Variants in PIP4K2B observed in about 807,000 individuals in gnomAD.
The protein encoded by PIP4K2B is phosphatidylinositol 5-phosphate 4-kinase type-2 beta.
Under a neutral mutation model 42.0 loss-of-function variants are expected in PIP4K2B, and 3 were observed. The observed-to-expected ratio is 0.07, with a 90% CI of 0.03 to 0.18. The LOEUF (loss-of-function observed/expected upper bound fraction) is 0.18. Among genes scored for constraint, PIP4K2B ranks in the 10% least tolerant of loss-of-function variants. PIP4K2B has a pLI of 1.00. For synonymous variants in PIP4K2B, 204 were observed against 210.1 expected, an observed-to-expected ratio of 0.97 and a Z score of 0.25; for missense variants, 332 against 562.3, an observed-to-expected ratio of 0.59 and a Z score of 4.14.
chr17:38,776,662 AC>A (rs1567654794), intron 7 of PIP4K2B: 1 of 437,584 alleles, frequency 2.3e-6, no homozygotes, highest in South Asian at 1.6e-5. Flanking sequence ...AACAAAAAAA[AC>A]ACCTATTATT....
chr17:38,780,691 T>C, intron 3 of PIP4K2B, 87 bp from the exon 4 acceptor site: 2 of 1,359,914 alleles, frequency 1.5e-6, no homozygotes, highest in South Asian at 1.3e-5. Context: ...GCTGGACTGC[T>C]TGAAAGCCAA....
chr17:38,774,662 C>G (rs1185389721), intron 7 of PIP4K2B, among the ~76,000 whole-genome samples: 1 of 151,624 alleles, frequency 6.6e-6, no homozygotes. Context: ...CCCAGCTACT[C>G]GGGAGGCTGA....
chr17:38,780,771 C>T (rs1049405555), intron 3 of PIP4K2B, among the ~76,000 whole-genome samples, 167 bp from the exon 4 acceptor site: 3 of 152,176 alleles, frequency 2.0e-5, no homozygotes, highest in African/African-American at 7.2e-5. Context: ...GTTCACATCC[C>T]TCCCTAAGTC....
chr17:38,784,532 A>T (rs776824475), intron 2 of PIP4K2B, among the ~76,000 whole-genome samples, 193 bp from the exon 3 acceptor site: 1 of 152,154 alleles, frequency 6.6e-6, no homozygotes, highest in Non-Finnish European at 1.5e-5. Flanking sequence ...CACCACACCC[A>T]GCCTCATCTA....
At chr17:38,774,631 A>G (rs1033640729) in intron 7 of PIP4K2B, among the ~76,000 whole-genome samples, 8 of 151,844 alleles carry the variant, frequency 5.3e-5, no homozygotes, top group Non-Finnish European at 7.4e-5. Flanking sequence ...CTAGCTGGGC[A>G]TGGTGGTGGG....
At chr17:38,772,248 G>A (rs1909088575) in intron 7 of PIP4K2B, among the ~76,000 whole-genome samples, 1 of 152,188 alleles carries the variant, frequency 6.6e-6, no homozygotes, top group African/African-American at 2.4e-5. Flanking sequence ...TCAGTTACCT[G>A]TGGTCAACTA....
rs955265181 is a variant in PIP4K2B, at chr17:38,771,084, G to A, written c.996C>T (p.Ser332=). The A allele has an allele frequency of 6.2e-7, 1 of 1,614,176 alleles. No individual in the cohort carries two copies. Residue 332 remains serine (S), a synonymous_variant, in exon 8 of 10, where the codon AGC becomes AGT. Transcript: ENST00000619039. ...TPPDSPGNLL[S]FPRFFGPGEF... is the part of the protein sequence containing the mutation. Reference sequence around the variant, plus strand: ...CCCCAGGACCAAAGAACCGAGGAAAGCTGAGGAGGTTGCCAGGGCTGTCCG... The same window carrying A: ...CCCCAGGACCAAAGAACCGAGGAAAACTGAGGAGGTTGCCAGGGCTGTCCG...
intron 7 of PIP4K2B, among the ~76,000 whole-genome samples, chr17:38,771,674 G>C (rs941683502): frequency 1.2e-4 from 19 of 152,066 alleles, no homozygotes; most frequent in African/African-American, 4.6e-4. Context: ...AAGTACTGCA[G>C]GTTAAAGATA....
At chr17:38,785,387 C>T (rs1909949987) in intron 2 of PIP4K2B, among the ~76,000 whole-genome samples, 1 of 152,170 alleles carries the variant, frequency 6.6e-6, no homozygotes, top group Non-Finnish European at 1.5e-5. Flanking sequence ...ATAGCACATA[C>T]AGGGCTGGGC....
intron 3 of PIP4K2B, among the ~76,000 whole-genome samples, chr17:38,781,016 T>C (rs1909679072): frequency 1.3e-5 from 2 of 152,016 alleles, no homozygotes; most frequent in African/African-American, 4.8e-5. Flanking sequence ...AACACAAAGA[T>C]GCAGACTGAG....
chr17:38,779,613 C>T, intron 4 of PIP4K2B, 84 bp from the exon 5 acceptor site: 1 of 1,231,852 alleles, frequency 8.1e-7, no homozygotes, highest in South Asian at 1.3e-5. Context: ...TAAAATGCTC[C>T]CTGGCTCCCT....
intron 3 of PIP4K2B, among the ~76,000 whole-genome samples, chr17:38,782,953 C>T (rs1378840433): frequency 6.6e-6 from 1 of 151,650 alleles, no homozygotes; most frequent in Non-Finnish European, 1.5e-5. Context: ...TTTGGGAGGC[C>T]GAGGCAGGCA....
chr17:38,771,546 CAAAAAAAAAA>C (rs58817119), intron 7 of PIP4K2B, among the ~76,000 whole-genome samples: 2 of 39,772 alleles, frequency 5.0e-5, no homozygotes, highest in African/African-American at 2.0e-4. Context: ...GAGATGGTCT[CAAAAAAAAAA>C]AAAAAAAAAA....
chr17:38,774,109 C>T (rs1041896813), intron 7 of PIP4K2B, among the ~76,000 whole-genome samples: 1 of 152,220 alleles, frequency 6.6e-6, no homozygotes, highest in African/African-American at 2.4e-5. Flanking sequence ...CCAACAGCTA[C>T]AAGGTGGAAG....
At chr17:38,790,340 T>A (rs144603711) in intron 1 of PIP4K2B, among the ~76,000 whole-genome samples, 2 of 152,320 alleles carry the variant, frequency 1.3e-5, no homozygotes, top group African/African-American at 4.8e-5. Context: ...CATTTCCTTT[T>A]TCCTGGCATA....
intron 2 of PIP4K2B, among the ~76,000 whole-genome samples, chr17:38,784,988 T>C (rs1909927761): frequency 6.6e-6 from 1 of 152,134 alleles, no homozygotes; most frequent in Non-Finnish European, 1.5e-5. Context: ...TGTGGAAGCA[T>C]CCTGAAGATG....
chr17:38,782,732 C>G (rs1909778129), intron 3 of PIP4K2B, among the ~76,000 whole-genome samples: 1 of 152,130 alleles, frequency 6.6e-6, no homozygotes, highest in African/African-American at 2.4e-5. Flanking sequence ...GACTCTAACC[C>G]AAGGCCCCTT....
intron 1 of PIP4K2B, among the ~76,000 whole-genome samples, chr17:38,788,177 AATTTATTTATTTATTT>A (rs56975985): frequency 8.3e-5 from 12 of 144,426 alleles, no homozygotes; most frequent in South Asian, 4.5e-4. Flanking sequence ...TAATAGATTA[AATTTATTTATTTATTT>A]ATTTATTTAT....
chr17:38,776,244 A>G (rs1909336266), intron 7 of PIP4K2B, among the ~76,000 whole-genome samples: 1 of 152,158 alleles, frequency 6.6e-6, no homozygotes, highest in Non-Finnish European at 1.5e-5. Flanking sequence ...TGCTGGGATT[A>G]CAGGCATGAG....
Sources: allele counts gnomAD v4.1 joint callset (sites outside exome capture counted in the v4.1 genomes callset), GRCh38; gene constraint gnomAD v4.1.1; transcripts MANE v1.5; gene names NCBI Gene and HGNC (gene_info 2026-07-23, HGNC 2026-07-21).